Variants in ADARB2 observed in about 807,000 individuals in gnomAD.
ADARB2 encodes inactive double-stranded RNA-specific editase B2.
In ADARB2, 25 loss-of-function variants were observed where a neutral mutation model predicts 62.2. That is an observed-to-expected ratio of 0.40 (90% confidence interval 0.29 to 0.56). The LOEUF (loss-of-function observed/expected upper bound fraction) is 0.56, where lower values mean the gene tolerates loss of function less well. Among genes scored for constraint, ADARB2 ranks in the 20% least tolerant of loss-of-function variants. The probability of loss-of-function intolerance (pLI) is 0.43; values close to 1 mark genes in which losing one functional copy is unlikely to be tolerated. For missense variants in ADARB2, 1,071 were observed against 1,077.4 expected, an observed-to-expected ratio of 0.99 and a Z score of 0.08; for synonymous variants, 572 against 500.8, an observed-to-expected ratio of 1.14 and a Z score of -1.90.
chr10:1,514,297 C>T (rs796217016), intron 1 of ADARB2, among the ~76,000 whole-genome samples: 8 of 151,108 alleles, frequency 5.3e-5, no homozygotes, highest in African/African-American at 1.9e-4. Context: ...GGCTCTGACG[C>T]TTTGGGACAG....
At chr10:1,558,231 C>A (rs981389828) in intron 1 of ADARB2, among the ~76,000 whole-genome samples, 1 of 151,218 alleles carries the variant, frequency 6.6e-6, no homozygotes, top group Non-Finnish European at 1.5e-5. Flanking sequence ...CTCTGCCCCC[C>A]TCCATGGGTG....
In ADARB2 at chr10:1,674,297, C is replaced by T. The variant is rs183748835; in HGVS notation, c.100+62754G>A. Among the ~76,000 whole-genome samples, 6 of 152,340 alleles carry T rather than the reference C, an allele frequency of 3.9e-5. 1 individual carries two copies. Among genetic ancestry groups the T allele is most frequent in the South Asian group, 2.1e-4 (1 of 4,828 alleles). On this transcript the variant is annotated intron_variant, in intron 1 of 9. Coordinates refer to ENST00000381312, the MANE Select transcript of ADARB2 (RefSeq NM_018702.4). ...CGCAGCCTCAAATTTACCAGTCCTA[C>T]GGGTGTGACTTGAGAGGGAGTTTCC... is the stretch of plus-strand genomic sequence containing the variant.
intron 1 of ADARB2, among the ~76,000 whole-genome samples, chr10:1,414,268 C>A (rs1832783453): frequency 6.6e-6 from 1 of 152,198 alleles, no homozygotes; most frequent in Non-Finnish European, 1.5e-5. Context: ...GCAGTGCTTG[C>A]ATGTCTGACA....
intron 3 of ADARB2, among the ~76,000 whole-genome samples, chr10:1,331,069 A>T (rs1831923947): frequency 6.6e-6 from 1 of 152,214 alleles, no homozygotes; most frequent in African/African-American, 2.4e-5. Context: ...TCAAAACTAC[A>T]ATGAGACACC....
At chr10:1,536,772 G>A (rs1418255965) in intron 1 of ADARB2, among the ~76,000 whole-genome samples, 2 of 152,266 alleles carry the variant, frequency 1.3e-5, no homozygotes, top group South Asian at 2.1e-4. Context: ...GCAGAAAACT[G>A]AAATTGGACT....
chr10:1,245,203 C>T (rs1830972794), intron 4 of ADARB2, among the ~76,000 whole-genome samples: 1 of 151,784 alleles, frequency 6.6e-6, no homozygotes, highest in Non-Finnish European at 1.5e-5. Flanking sequence ...CAGCAAGGAC[C>T]GAATCCACAG....
intron 4 of ADARB2, among the ~76,000 whole-genome samples, chr10:1,259,729 G>A (rs1052192599): frequency 6.6e-6 from 1 of 152,160 alleles, no homozygotes; most frequent in Non-Finnish European, 1.5e-5. Context: ...GTACAAGGAG[G>A]AACTGGTACC....
At position 1,519,259 on chromosome 10, in the gene ADARB2, C is replaced by T. The variant is rs561906236; in HGVS notation, c.101-140099G>A. ...ATGCATGCATTCCATGTAACGTCTG[C>T]ATGTGGTGTGGTCATACACATGCAT... On this transcript the variant is annotated intron_variant, in intron 1 of 9. Coordinates refer to ENST00000381312, the MANE Select transcript of ADARB2 (RefSeq NM_018702.4). Among the ~76,000 whole-genome samples, 11 of 149,352 alleles carry T rather than the reference C, an allele frequency of 7.4e-5. No homozygotes were observed. In the South Asian group the frequency reaches 2.1e-3, roughly 29 times the overall value.
chr10:1,695,032 G>C (rs113262344), intron 1 of ADARB2, among the ~76,000 whole-genome samples: 4 of 152,192 alleles, frequency 2.6e-5, no homozygotes, highest in African/African-American at 9.6e-5. Flanking sequence ...GGATGTGTGG[G>C]TCATGGGCCC....
rs113121073 is a variant in ADARB2, at chr10:1,590,168, G to A, written c.100+146883C>T. Reference sequence around the variant, plus strand: ...TGGTATCATCGCAAGGCATAGTGGCGCTGAGCCTGCACAGGTCAGTGGCCT... The same window carrying A: ...TGGTATCATCGCAAGGCATAGTGGCACTGAGCCTGCACAGGTCAGTGGCCT... On this transcript the variant is annotated intron_variant, in intron 1 of 9. Coordinates refer to ENST00000381312, the MANE Select transcript of ADARB2 (RefSeq NM_018702.4). Among the ~76,000 whole-genome samples the A allele has an allele frequency of 8.2e-4, 125 of 152,324 alleles. 1 individual carries two copies. The highest frequency in any genetic ancestry group is 2.8e-3 in the African/African-American group (118 of 41,576).
At position 1,244,947 on chromosome 10, in the gene ADARB2, G is replaced by A. The variant is rs537209130; in HGVS notation, c.1193-2648C>T. Among the ~76,000 whole-genome samples, 23 of 152,324 alleles carry A rather than the reference G, an allele frequency of 1.5e-4. 1 individual carries two copies. The South Asian group carries it at 4.4e-3, about 29-fold the overall frequency. The stretch of plus-strand genomic sequence containing the variant: ...GGGAAAGTGGCGAAGCTTCAAAGGT[G>A]GGTGGAAATCAGTCACAGACGCCTT... On this transcript the variant is annotated intron_variant, in intron 4 of 9. Coordinates refer to ENST00000381312, the MANE Select transcript of ADARB2 (RefSeq NM_018702.4).
intron 1 of ADARB2, among the ~76,000 whole-genome samples, chr10:1,666,825 G>A (rs1267834384): frequency 6.6e-6 from 1 of 152,138 alleles, no homozygotes; most frequent in Non-Finnish European, 1.5e-5. Flanking sequence ...CATCAGCTTT[G>A]ACCAGCACAG....
At chr10:1,296,828 T>G (rs915259845) in intron 3 of ADARB2, among the ~76,000 whole-genome samples, 3 of 152,176 alleles carry the variant, frequency 2.0e-5, no homozygotes, top group Non-Finnish European at 4.4e-5. Context: ...CCTTTTTCAC[T>G]CATCCCTTTC....
chr10:1,704,879 C>G lies in ADARB2; in HGVS notation c.100+32172G>C, dbSNP rs978217953. On this transcript the variant is annotated intron_variant, in intron 1 of 9. Transcript: ENST00000381312. This position sits in a 1 kb window ranked among gnomAD's most constrained non-coding sequence, Gnocchi z 5.6. ...TCCACTCTCTCACTGAGGAGCCCAGCAGTTTATCATTTGAGCAGGAAAAGG... is the reference window on the plus strand; with the variant it reads ...TCCACTCTCTCACTGAGGAGCCCAGGAGTTTATCATTTGAGCAGGAAAAGG... Among the ~76,000 whole-genome samples, 2 of 152,060 alleles carry G rather than the reference C, an allele frequency of 1.3e-5. No individual in the cohort carries two copies. Among genetic ancestry groups the G allele is most frequent in the Non-Finnish European group, 2.9e-5 (2 of 68,022 alleles).
rs1836605043 is a variant in ADARB2 at position 1,177,582 on chromosome 10, G to A, written c.*5611C>T. 7.1e-6 allele frequency: 1 copy of A among 139,974 alleles called. No homozygotes were observed. The highest frequency in any genetic ancestry group is 1.5e-5 in the Non-Finnish European group (1 of 64,916). 8.7% of individuals were successfully genotyped at this position (139,974 alleles called of 1,614,324 possible). A position where few individuals can be genotyped will look rare whatever the true frequency, so the allele number is the denominator to read the frequency against. On this transcript the variant is annotated 3_prime_UTR_variant, in exon 10 of 10. Transcript: ENST00000381312. ...TGCTGAAAACTAACGGGGCACACTG[G>A]GAGAGATTTTTTTTTTTTTACCGAT...
intron 1 of ADARB2, among the ~76,000 whole-genome samples, chr10:1,650,892 G>A (rs1201529575): frequency 2.0e-5 from 3 of 152,210 alleles, no homozygotes; most frequent in Non-Finnish European, 4.4e-5. Context: ...GCGTGTCCGA[G>A]ATGGTGGAGC....
intron 1 of ADARB2, among the ~76,000 whole-genome samples, chr10:1,596,478 A>G (rs1833337124): frequency 6.6e-6 from 1 of 152,206 alleles, no homozygotes. Flanking sequence ...CGGGAGAGAA[A>G]TGTCACTTAA....
At chr10:1,187,127 C>A (rs1436144071) in intron 8 of ADARB2, among the ~76,000 whole-genome samples, 1 of 152,236 alleles carries the variant, frequency 6.6e-6, no homozygotes, top group South Asian at 2.1e-4. Flanking sequence ...AAGCGAATCC[C>A]GTTCATGTCA....
Position 1,315,429 on chromosome 10 carries a change from A to T in ADARB2, c.1078-44360T>A, listed in dbSNP as rs376330475. On this transcript the variant is annotated intron_variant, in intron 3 of 9. Coordinates refer to ENST00000381312, the MANE Select transcript of ADARB2 (RefSeq NM_018702.4). Reference sequence around the variant, plus strand: ...CATGGCTGATGTTTCCAAGCCTCCCAGCAAGCCATACATCATGAAATATTG... The same window carrying T: ...CATGGCTGATGTTTCCAAGCCTCCCTGCAAGCCATACATCATGAAATATTG... Among the ~76,000 whole-genome samples, 155 of 152,368 alleles carry T rather than the reference A, an allele frequency of 1.0e-3. 1 individual carries two copies. The East Asian group carries it at 0.016, about 15-fold the overall frequency.
Sources: allele counts gnomAD v4.1 joint callset (sites outside exome capture counted in the v4.1 genomes callset), GRCh38; gene constraint gnomAD v4.1.1; non-coding constraint Gnocchi (gnomAD v3.1); transcripts MANE v1.5; gene names NCBI Gene and HGNC (gene_info 2026-07-23, HGNC 2026-07-21).